NSMF: variants seen among roughly 807,000 people sequenced by gnomAD.
The protein encoded by NSMF is nasal embryonic LHRH factor.
Under a neutral mutation model 71.0 loss-of-function variants are expected in NSMF, and 31 were observed. The ratio of observed to expected loss-of-function variants is 0.44; its 90% CI spans 0.33 to 0.59. The LOEUF (loss-of-function observed/expected upper bound fraction) is 0.59, where lower values mean the gene tolerates loss of function less well. NSMF is among the 20% of genes least tolerant of loss of function. NSMF has a pLI of 0.04. For synonymous variants in NSMF, 345 were observed against 287.1 expected (o/e 1.20, Z -2.04); for missense variants, 673 against 740.5 (o/e 0.91, Z 1.06).
In NSMF at chr9:137,458,567, G is replaced by A. The variant is rs1237367011; in HGVS notation, c.72-18C>T. 1 of 1,584,638 alleles carries A rather than the reference G, an allele frequency of 6.3e-7. No individual in the cohort carries two copies. ...GGGCTGCTCTGAGGGTGGACAGAGG[G>A]CACGGTCAGAGGCCACGGCACGACC... On this transcript the variant is annotated intron_variant, in intron 1 of 15. Coordinates refer to ENST00000371475, the MANE Select transcript of NSMF (RefSeq NM_001130969.3).
intron 2 of NSMF, among the ~76,000 whole-genome samples, 180 bp downstream of exon 2, chr9:137,458,308 G>A (rs922412678): frequency 3.3e-5 from 5 of 152,166 alleles, no homozygotes; most frequent in African/African-American, 7.2e-5. Context: ...GGTGACGAGC[G>A]GCTGGGAACT....
chr9:137,452,318 C>T (rs1358662921), intron 12 of NSMF, 47 bp downstream of exon 12: 2 of 1,589,468 alleles, frequency 1.3e-6, no homozygotes, highest in Non-Finnish European at 1.7e-6. Context: ...CTTCCCCTGC[C>T]CCACCACGAT....
In NSMF at chr9:137,453,562, C is replaced by G; in HGVS notation, c.922+169G>C. On this transcript the variant is annotated intron_variant, in intron 8 of 15. Coordinates refer to ENST00000371475, the MANE Select transcript of NSMF (RefSeq NM_001130969.3). The surrounding 1 kb of genome is among the most constrained non-coding windows in gnomAD (Gnocchi z 4.5). ...GCACTGCCGCGGCCGTTGTTAGCCCCGCCTTTGCGATCGGAGATGCTGAGG... is the reference window on the plus strand; with the variant it reads ...GCACTGCCGCGGCCGTTGTTAGCCCGGCCTTTGCGATCGGAGATGCTGAGG... The G allele has an allele frequency of 3.2e-6, 2 of 634,350 alleles. No homozygotes were observed. The highest frequency in any genetic ancestry group is 5.4e-6 in the Non-Finnish European group (2 of 369,918). The allele number at this position is 634,350 out of a possible 1,614,324, so 39.3% of individuals were successfully genotyped here.
At chr9:137,455,554 A>T in intron 5 of NSMF, 75 bp downstream of exon 5, 1 of 1,513,080 alleles carries the variant, frequency 6.6e-7, no homozygotes, top group Non-Finnish European at 9.0e-7. Flanking sequence ...GGCCTGCCCA[A>T]ACCTATTTGG....
chr9:137,457,326 C>A (rs1830884578), intron 3 of NSMF, 81 bp downstream of exon 3: 2 of 1,586,308 alleles, frequency 1.3e-6, no homozygotes, highest in Non-Finnish European at 1.7e-6. Context: ...CTGTTCCAAG[C>A]CTCACAGTGG....
chr9:137,453,902 G>A lies in NSMF; in HGVS notation c.833-82C>T, dbSNP rs1658025152. The stretch of plus-strand genomic sequence containing the variant: ...AGACCCCAGGCGAGGGGACCACAGG[G>A]GCCCTGGGCAGAGGAGGAAGCTAAT... On this transcript the variant is annotated intron_variant, in intron 7 of 15. Transcript: ENST00000371475. This position sits in a 1 kb window ranked among gnomAD's most constrained non-coding sequence, Gnocchi z 4.5. 2.5e-6 allele frequency: 3 copies of A among 1,206,160 alleles called. No individual in the cohort carries two copies. Among genetic ancestry groups the A allele is most frequent in the Admixed American group, 2.0e-5 (1 of 49,222 alleles). 74.7% of individuals were successfully genotyped at this position (1,206,160 alleles called of 1,614,324 possible). A position where few individuals can be genotyped will look rare whatever the true frequency, so the allele number is the denominator to read the frequency against.
rs1331038704 is a variant in NSMF at position 137,453,825 on chromosome 9, A to G, written c.833-5T>C. ...GCTCGCGCCGCTCAGCGAACGCTGC[A>G]GAGAGCAAAACCCGCATTAGCGAGC... On this transcript the variant is annotated splice_region_variant and splice_polypyrimidine_tract_variant and intron_variant, in intron 7 of 15. Coordinates refer to ENST00000371475, the MANE Select transcript of NSMF (RefSeq NM_001130969.3). This position sits in a 1 kb window ranked among gnomAD's most constrained non-coding sequence, Gnocchi z 4.5. 2 of 1,583,944 alleles carry G rather than the reference A, an allele frequency of 1.3e-6. No individual in the cohort carries two copies. The highest frequency in any genetic ancestry group is 1.7e-6 in the Non-Finnish European group (2 of 1,172,422).
At chr9:137,458,228 A>T (rs1375459268) in intron 2 of NSMF, among the ~76,000 whole-genome samples, 1 of 152,118 alleles carries the variant, frequency 6.6e-6, no homozygotes, top group Non-Finnish European at 1.5e-5. Flanking sequence ...CCCCAGAGGC[A>T]GTGGTGCCAG....
rs765794580 is a variant in NSMF, at chr9:137,457,914, C to T, written c.134-13G>A. On this transcript the variant is annotated splice_polypyrimidine_tract_variant and intron_variant, in intron 2 of 15. Coordinates refer to ENST00000371475, the MANE Select transcript of NSMF (RefSeq NM_001130969.3). ...GCCAGCAGGTGATCTAGGAGAGACA[C>T]TGAGTGAGCCTGCCTGCCGCGTGTG... 1.3e-6 allele frequency: 2 copies of T among 1,539,364 alleles called. No homozygotes were observed. Among genetic ancestry groups the T allele is most frequent in the South Asian group, 1.2e-5 (1 of 84,220 alleles).
intron 6 of NSMF, 195 bp downstream of exon 6, chr9:137,455,044 G>A: frequency 1.3e-6 from 1 of 741,450 alleles, no homozygotes. Flanking sequence ...CCCTCGGAGT[G>A]CAGGACTGAG....
rs1357904440 is a variant in NSMF, at chr9:137,453,903, G to T, written c.833-83C>A. 1.0e-5 allele frequency: 12 copies of T among 1,186,286 alleles called. No homozygotes were observed. The highest frequency in any genetic ancestry group is 2.6e-5 in the South Asian group (2 of 76,562). The allele number at this position is 1,186,286 out of a possible 1,614,324, so 73.5% of individuals were successfully genotyped here. A position where few individuals can be genotyped will look rare whatever the true frequency, so the allele number is the denominator to read the frequency against. On this transcript the variant is annotated intron_variant, in intron 7 of 15. Transcript: ENST00000371475. The surrounding 1 kb of genome is among the most constrained non-coding windows in gnomAD (Gnocchi z 4.5). Reference sequence around the variant, plus strand: ...GACCCCAGGCGAGGGGACCACAGGGGCCCTGGGCAGAGGAGGAAGCTAATG... The same window carrying T: ...GACCCCAGGCGAGGGGACCACAGGGTCCCTGGGCAGAGGAGGAAGCTAATG...
Position 137,453,159 on chromosome 9 carries a change from T to C in NSMF, c.944A>G (p.His315Arg), listed in dbSNP as rs1422081741. The change falls in exon 9 of 16, where the codon CAC becomes CGC. Residue 315 changes from histidine (H) to arginine (R), a missense_variant. Coordinates refer to ENST00000371475, the MANE Select transcript of NSMF (RefSeq NM_001130969.3). This position sits in a 1 kb window ranked among gnomAD's most constrained non-coding sequence, Gnocchi z 4.5. ...CTCGAAGGCCTCGTCCAGCGTGCAG[T>C]GGGAGCTCTGCAGGTCACTGCCTGG... ...SRDSSDLQSS[H>R]CTLDEAFEDL... 3.7e-6 allele frequency: 6 copies of C among 1,612,610 alleles called. No individual in the cohort carries two copies. Among genetic ancestry groups the C allele is most frequent in the Non-Finnish European group, 8.5e-7 (1 of 1,179,886 alleles).
intron 3 of NSMF, 118 bp from the exon 4 acceptor site, chr9:137,456,604 G>A: frequency 1.4e-6 from 1 of 712,134 alleles, no homozygotes; most frequent in Non-Finnish European, 2.6e-6. Flanking sequence ...GGCAGCCAGG[G>A]CGGGTGGGGG....
intron 9 of NSMF, 75 bp downstream of exon 9, chr9:137,452,981 C>G (rs568762483): frequency 5.0e-6 from 8 of 1,604,330 alleles, no homozygotes; most frequent in Non-Finnish European, 6.8e-6. Flanking sequence ...TGGTCCCAGG[C>G]AGAGCTGGCT....
intron 4 of NSMF, among the ~76,000 whole-genome samples, chr9:137,456,207 TGG>T (rs375727289): frequency 1.1e-3 from 112 of 103,168 alleles, no homozygotes; most frequent in African/African-American, 3.6e-3. Flanking sequence ...TGTGTGTGTG[TGG>T]GGGGGGGGGC....
chr9:137,450,322 G>A (rs1242529974), intron 12 of NSMF, 67 bp from the exon 13 acceptor site: 17 of 1,318,908 alleles, frequency 1.3e-5, no homozygotes, highest in East Asian at 2.3e-5. Flanking sequence ...ATGCACCCAC[G>A]CACATGCGTG....
rs1176755710 is a variant in NSMF at position 137,454,515 on chromosome 9, T to C, written c.780-72A>G. 7.1e-6 allele frequency: 11 copies of C among 1,549,304 alleles called. 1 individual carries two copies. The highest frequency in any genetic ancestry group is 9.6e-6 in the Non-Finnish European group (11 of 1,146,326). ...GCAGCCCCTGCCCACCTAGCCCCCG[T>C]CGGGTCATGGCTCTACTCTCACCCC... is the stretch of plus-strand genomic sequence containing the variant. On this transcript the variant is annotated intron_variant, in intron 6 of 15. Coordinates refer to ENST00000371475, the MANE Select transcript of NSMF (RefSeq NM_001130969.3).
rs996828897 is a variant in NSMF, at chr9:137,449,153, G to A, written c.*241C>T. The A allele has an allele frequency of 1.0e-5, 6 of 588,298 alleles. No individual in the cohort carries two copies. Among genetic ancestry groups the A allele is most frequent in the Admixed American group, 8.9e-5 (3 of 33,882 alleles). 36.4% of individuals were successfully genotyped at this position (588,298 alleles called of 1,614,324 possible). A position where few individuals can be genotyped will look rare whatever the true frequency, so the allele number is the denominator to read the frequency against. ...AGGCATGGCAGGTCAGTGCCTGGCC[G>A]CTGAGCATCCACGGGCCACAGGGCG... On this transcript the variant is annotated 3_prime_UTR_variant, in exon 16 of 16. Transcript: ENST00000371475.
intron 4 of NSMF, 32 bp downstream of exon 4, chr9:137,456,379 C>G (rs1251783122): frequency 3.1e-5 from 49 of 1,569,134 alleles, no homozygotes; most frequent in Non-Finnish European, 4.2e-5. Flanking sequence ...GACCACCCAA[C>G]CCTGACCCCA....
Sources: gnomAD v4.1 joint callset for allele counts (sites outside exome capture counted in the v4.1 genomes callset) on GRCh38, gnomAD v4.1.1 for gene constraint, Gnocchi (gnomAD v3.1) non-coding constraint, MANE v1.5 for transcripts, NCBI Gene and HGNC (gene_info 2026-07-23, HGNC 2026-07-21) for gene names.